Variants in SKAP1 observed in about 807,000 individuals in gnomAD.
The protein encoded by SKAP1 is src kinase associated phosphoprotein 1.
Under a neutral mutation model 58.5 loss-of-function variants are expected in SKAP1, and 44 were observed. The observed-to-expected ratio is 0.75, with a 90% CI of 0.59 to 0.97. SKAP1 has a LOEUF of 0.97. Ranked by LOEUF, SKAP1 falls within the 50% of genes least tolerant of loss-of-function variation. The pLI, the probability that SKAP1 is intolerant of heterozygous loss-of-function variation, is 0.00. For missense variants in SKAP1, 390 were observed against 435.2 expected (o/e 0.90, Z 0.92); for synonymous variants, 127 against 149.7 (o/e 0.85, Z 1.11).
intron 10 of SKAP1, among the ~76,000 whole-genome samples, chr17:48,165,970 C>T (rs1012257492): frequency 6.6e-6 from 1 of 152,186 alleles, no homozygotes; most frequent in African/African-American, 2.4e-5. Context: ...CTCAATGTCT[C>T]TCCGAAAAAC....
intron 1 of SKAP1, among the ~76,000 whole-genome samples, chr17:48,407,583 G>C (rs1219602307): frequency 6.6e-6 from 1 of 152,198 alleles, no homozygotes; most frequent in East Asian, 1.9e-4. Flanking sequence ...GAAAGGCCAG[G>C]TGCAGTGGCT....
At chr17:48,313,145 G>A (rs1010912696) in intron 4 of SKAP1, among the ~76,000 whole-genome samples, 2 of 151,278 alleles carry the variant, frequency 1.3e-5, no homozygotes, top group Admixed American at 6.6e-5. Flanking sequence ...GTGGCGGGGC[G>A]GTGGGGGGGT....
At chr17:48,341,369 C>T (rs2066649543) in intron 4 of SKAP1, among the ~76,000 whole-genome samples, 1 of 152,034 alleles carries the variant, frequency 6.6e-6, no homozygotes, top group Admixed American at 6.6e-5. Flanking sequence ...AATGCTTTCT[C>T]CCCACTATTA....
intron 4 of SKAP1, among the ~76,000 whole-genome samples, chr17:48,305,406 G>GTATT (rs1470619402): frequency 5.9e-5 from 9 of 152,102 alleles, no homozygotes; most frequent in Non-Finnish European, 1.2e-4. Flanking sequence ...TATTGTCTAA[G>GTATT]GCCACTTGCA....
chr17:48,242,645 C>T (rs1057053313), intron 4 of SKAP1, among the ~76,000 whole-genome samples: 4 of 152,206 alleles, frequency 2.6e-5, no homozygotes, highest in Non-Finnish European at 5.9e-5. Context: ...GAGTTAACCA[C>T]TGCAAGGAAG....
intron 4 of SKAP1, among the ~76,000 whole-genome samples, chr17:48,289,150 T>A (rs1478053476): frequency 6.6e-6 from 1 of 152,190 alleles, no homozygotes; most frequent in Admixed American, 6.5e-5. Flanking sequence ...TAGGAATGTT[T>A]ATCTATTCAA....
At chr17:48,299,164 G>GAT (rs1043866868) in intron 4 of SKAP1, among the ~76,000 whole-genome samples, 51 of 152,176 alleles carry the variant, frequency 3.4e-4, no homozygotes, top group African/African-American at 1.2e-3. Context: ...TAGTGAAAGG[G>GAT]ATATAAACTC....
chr17:48,234,076 G>A (rs747321646), intron 4 of SKAP1, among the ~76,000 whole-genome samples: 1 of 152,138 alleles, frequency 6.6e-6, no homozygotes, highest in Admixed American at 6.5e-5. Context: ...TTTCATAACA[G>A]CTTTATTTAT....
At chr17:48,363,378 A>C (rs1466985364) in intron 3 of SKAP1, among the ~76,000 whole-genome samples, 2 of 152,232 alleles carry the variant, frequency 1.3e-5, no homozygotes, top group Non-Finnish European at 2.9e-5. Context: ...GTGGAAGGGC[A>C]CTGTGATCGA....
chr17:48,198,709 G>T (rs968785200), intron 4 of SKAP1, among the ~76,000 whole-genome samples: 1 of 151,872 alleles, frequency 6.6e-6, no homozygotes. Flanking sequence ...GTGTTCTGTG[G>T]TGGTGGGTTA....
intron 4 of SKAP1, among the ~76,000 whole-genome samples, chr17:48,206,924 T>C (rs916678063): frequency 6.6e-6 from 1 of 152,162 alleles, no homozygotes; most frequent in Non-Finnish European, 1.5e-5. Flanking sequence ...CCCAAGGGAC[T>C]ACAGGTACAC....
chr17:48,429,490 T>C (rs2067889646), intron 1 of SKAP1, among the ~76,000 whole-genome samples: 1 of 152,130 alleles, frequency 6.6e-6, no homozygotes, highest in Admixed American at 6.5e-5. Context: ...GGAAATCCCA[T>C]ACTGAGAATG....
intron 12 of SKAP1, chr17:48,136,417 C>T (rs1046405289): frequency 3.9e-5 from 6 of 152,340 alleles, no homozygotes; most frequent in Non-Finnish European, 7.3e-5. Flanking sequence ...ATGATCCGCC[C>T]GCCTCGGACT....
At chr17:48,173,812 A>T (rs557544766) in intron 9 of SKAP1, among the ~76,000 whole-genome samples, 89 of 152,170 alleles carry the variant, frequency 5.8e-4, no homozygotes, top group Non-Finnish European at 1.2e-3. Flanking sequence ...CCTCCTTCCC[A>T]CCACCATTAG....
intron 4 of SKAP1, among the ~76,000 whole-genome samples, chr17:48,224,038 AAGG>A (rs1283982367): frequency 0.025 from 1,324 of 52,326 alleles, 42 homozygotes; most frequent in Non-Finnish European, 0.035. Flanking sequence ...GAGAGAGAAG[AAGG>A]AGGAGGAGGA....
chr17:48,306,436 T>C (rs2066143733), intron 4 of SKAP1, among the ~76,000 whole-genome samples: 1 of 152,184 alleles, frequency 6.6e-6, no homozygotes. Flanking sequence ...CCACTCCCAG[T>C]TGGTCACTCC....
intron 4 of SKAP1, among the ~76,000 whole-genome samples, chr17:48,324,980 G>A (rs2066414812): frequency 6.6e-6 from 1 of 151,990 alleles, no homozygotes; most frequent in Non-Finnish European, 1.5e-5. Flanking sequence ...CAGGCGCGGT[G>A]GCTCATGCCT....
intron 1 of SKAP1, among the ~76,000 whole-genome samples, chr17:48,426,114 C>T (rs9891635): frequency 0.33 from 50,140 of 152,056 alleles, 8,984 homozygotes; most frequent in African/African-American, 0.46. Context: ...AAGTTCCCCA[C>T]AGTTGGAATT....
At chr17:48,154,978 C>T (rs1051097041) in intron 11 of SKAP1, among the ~76,000 whole-genome samples, 2 of 150,824 alleles carry the variant, frequency 1.3e-5, no homozygotes, top group East Asian at 2.0e-4. Flanking sequence ...GAGAACCGCT[C>T]GAACTCAGGA....
Sources: allele counts gnomAD v4.1 joint callset (sites outside exome capture counted in the v4.1 genomes callset), GRCh38; gene constraint gnomAD v4.1.1; transcripts MANE v1.5; gene names NCBI Gene and HGNC (gene_info 2026-07-23, HGNC 2026-07-21).